AIG1: variants seen among roughly 807,000 people sequenced by gnomAD.
The protein encoded by AIG1 is androgen-induced gene 1 protein.
AIG1 carries 23 observed loss-of-function variants against 31.4 expected under a neutral mutation model. That is an observed-to-expected ratio of 0.73 (90% CI 0.53 to 1.04). The LOEUF (loss-of-function observed/expected upper bound fraction) is 1.04. Ranked by LOEUF, AIG1 falls within the 50% of genes least tolerant of loss-of-function variation. The pLI is 0.00. For synonymous variants in AIG1, 100 were observed against 110.5 expected, an observed-to-expected ratio of 0.90 and a Z score of 0.60; for missense variants, 274 against 295.0, an observed-to-expected ratio of 0.93 and a Z score of 0.52.
chr6:143,114,991 G>GT (rs1333494963), intron 1 of AIG1, among the ~76,000 whole-genome samples: 1 of 152,136 alleles, frequency 6.6e-6, no homozygotes, highest in Non-Finnish European at 1.5e-5. Flanking sequence ...TGCCTTACTT[G>GT]TTTTTTATAC....
intron 5 of AIG1, chr6:143,335,089 T>C: frequency 6.9e-7 from 1 of 1,451,360 alleles, no homozygotes; most frequent in Non-Finnish European, 9.1e-7. Flanking sequence ...ACCATCTAGT[T>C]AGTTCCACAA....
intron 2 of AIG1, among the ~76,000 whole-genome samples, chr6:143,147,589 A>G (rs1042791554): frequency 1.3e-5 from 2 of 152,168 alleles, no homozygotes; most frequent in Non-Finnish European, 2.9e-5. Context: ...AGATAATAAA[A>G]TTAGCATTGA....
chr6:143,323,082 G>T (rs1392918512), intron 4 of AIG1, among the ~76,000 whole-genome samples: 1 of 152,114 alleles, frequency 6.6e-6, no homozygotes, highest in Non-Finnish European at 1.5e-5. Context: ...AAGTTAAATA[G>T]TATCCAAGGT....
intron 3 of AIG1, among the ~76,000 whole-genome samples, chr6:143,185,194 CAAA>C (rs10690751): frequency 7.4e-6 from 1 of 135,012 alleles, no homozygotes; most frequent in Non-Finnish European, 1.6e-5. Context: ...GACTCCATCT[CAAA>C]AAAAAAAAAA....
At chr6:143,332,507 A>G (rs1777158505) in intron 4 of AIG1, among the ~76,000 whole-genome samples, 2 of 152,214 alleles carry the variant, frequency 1.3e-5, no homozygotes, top group South Asian at 4.2e-4. Flanking sequence ...GTAAAATAGG[A>G]AAAAAAATGA....
In AIG1 at chr6:143,268,162, G is replaced by T. The variant is rs1451752724; in HGVS notation, c.400-15948G>T. Among the ~76,000 whole-genome samples the T allele has an allele frequency of 6.6e-6, 1 of 152,086 alleles. No homozygotes were observed. Among genetic ancestry groups the T allele is most frequent in the Non-Finnish European group, 1.5e-5 (1 of 68,026 alleles). ...GGAAATAAAGCCATTTAAAATATTG[G>T]TCTGTGGGTGAAAATGACAAAACAT... On this transcript the variant is annotated intron_variant, in intron 3 of 5. Transcript: ENST00000357847. The surrounding 1 kb of genome is among the most constrained non-coding windows in gnomAD (Gnocchi z 5.0).
intron 3 of AIG1, among the ~76,000 whole-genome samples, chr6:143,259,066 A>T (rs925278966): frequency 1.2e-4 from 19 of 152,004 alleles, no homozygotes; most frequent in African/African-American, 4.6e-4. Context: ...CTAGAATTTG[A>T]CTTCCTCTCT....
intron 2 of AIG1, among the ~76,000 whole-genome samples, chr6:143,141,143 A>G (rs191426962): frequency 6.6e-6 from 1 of 152,348 alleles, no homozygotes; most frequent in East Asian, 1.9e-4. Context: ...TTACCTCTGT[A>G]CAGCTGGATT....
Position 143,286,551 on chromosome 6 carries a change from G to T in AIG1, c.515+2326G>T, listed in dbSNP as rs377239646. Among the ~76,000 whole-genome samples, 11 of 152,218 alleles carry T rather than the reference G, an allele frequency of 7.2e-5. No individual in the cohort carries two copies. The South Asian group carries it at 2.3e-3, about 32-fold the overall frequency. On this transcript the variant is annotated intron_variant, in intron 4 of 5. Coordinates refer to ENST00000357847, the MANE Select transcript of AIG1 (RefSeq NM_016108.4). ...CCAAGATTTTAATTGTTATCAAAAA[G>T]GTACTGGCTTTTGCTTCCTTTCAGA...
intron 2 of AIG1, among the ~76,000 whole-genome samples, chr6:143,139,804 T>G (rs978269811): frequency 4.6e-5 from 7 of 152,182 alleles, no homozygotes; most frequent in African/African-American, 1.4e-4. Flanking sequence ...TTGTATCTAT[T>G]TATGCAATTT....
intron 3 of AIG1, among the ~76,000 whole-genome samples, chr6:143,230,664 A>G (rs1793378814): frequency 2.0e-5 from 3 of 151,810 alleles, no homozygotes; most frequent in Admixed American, 2.0e-4. Context: ...ATAATAATAT[A>G]TATGTATCAA....
chr6:143,163,404 T>C (rs1786601443), intron 2 of AIG1, among the ~76,000 whole-genome samples: 2 of 152,214 alleles, frequency 1.3e-5, no homozygotes, highest in African/African-American at 2.4e-5. Flanking sequence ...TCTTCTGATC[T>C]CATAGCATCC....
chr6:143,096,500 A>C (rs946992015), intron 1 of AIG1, among the ~76,000 whole-genome samples: 4 of 152,230 alleles, frequency 2.6e-5, no homozygotes, highest in Admixed American at 6.5e-5. Context: ...AGAGTGACTA[A>C]GTTATTTTAA....
chr6:143,118,909 T>G (rs1054472952), intron 1 of AIG1, among the ~76,000 whole-genome samples: 2 of 151,804 alleles, frequency 1.3e-5, no homozygotes, highest in Non-Finnish European at 2.9e-5. Context: ...GGTCTTATTC[T>G]GTCACCCAGG....
At chr6:143,251,056 G>A (rs1021630529) in intron 3 of AIG1, among the ~76,000 whole-genome samples, 1 of 152,052 alleles carries the variant, frequency 6.6e-6, no homozygotes, top group Non-Finnish European at 1.5e-5. Flanking sequence ...TACATTGATT[G>A]TTGTTGTTGT....
At chr6:143,343,880 A>G (rs9496590), downstream of AIG1, among the ~76,000 whole-genome samples, 6,973 of 152,196 alleles carry the variant, frequency 0.046, 541 homozygotes, top group African/African-American at 0.15. Context: ...CAAATATAAA[A>G]TGATCCTCTC....
chr6:143,188,188 C>G, intron 3 of AIG1: 1 of 995,560 alleles, frequency 1.0e-6, no homozygotes, highest in Non-Finnish European at 1.2e-6. Context: ...TCTCTTTACT[C>G]GTAAGCTGCC....
rs199726506 is a variant in AIG1, at chr6:143,297,457, ATTGG to A, written c.515+13253_515+13256del. On this transcript the variant is annotated intron_variant, in intron 4 of 5. Coordinates refer to ENST00000357847, the MANE Select transcript of AIG1 (RefSeq NM_016108.4). This position sits in a 1 kb window ranked among gnomAD's most constrained non-coding sequence, Gnocchi z 5.1. ...GATTGGGTGGGTGGTTATTTAGATG[ATTGG>A]TTGGTTGGTTGGTTGGTTGGATGGT... Among the ~76,000 whole-genome samples the A allele has an allele frequency of 7.3e-5, 11 of 151,218 alleles. No individual in the cohort carries two copies. The highest frequency in any genetic ancestry group is 6.3e-4 in the South Asian group (3 of 4,766).
chr6:143,268,168 G>A lies in AIG1; in HGVS notation c.400-15942G>A, dbSNP rs1160610546. Among the ~76,000 whole-genome samples the A allele has an allele frequency of 1.3e-5, 2 of 152,136 alleles. No individual in the cohort carries two copies. The highest frequency in any genetic ancestry group is 2.4e-5 in the African/African-American group (1 of 41,422). ...AAAGCCATTTAAAATATTGGTCTGTGGGTGAAAATGACAAAACATAGGGCC... is the reference window on the plus strand; with the variant it reads ...AAAGCCATTTAAAATATTGGTCTGTAGGTGAAAATGACAAAACATAGGGCC... On this transcript the variant is annotated intron_variant, in intron 3 of 5. Coordinates refer to ENST00000357847, the MANE Select transcript of AIG1 (RefSeq NM_016108.4). This position sits in a 1 kb window ranked among gnomAD's most constrained non-coding sequence, Gnocchi z 5.0.
Sources: allele counts gnomAD v4.1 joint callset (sites outside exome capture counted in the v4.1 genomes callset), GRCh38; gene constraint gnomAD v4.1.1; non-coding constraint Gnocchi (gnomAD v3.1); transcripts MANE v1.5; gene names NCBI Gene and HGNC (gene_info 2026-07-23, HGNC 2026-07-21).